The following ZNF506 variants were observed in gnomAD, a reference collection of about 807,000 sequenced individuals.
ZNF506 encodes the protein zinc finger protein 506.
In ZNF506, 10 loss-of-function variants were observed where a neutral mutation model predicts 11.6. That is an observed-to-expected ratio of 0.86 (90% CI 0.53 to 1.46). ZNF506 has a LOEUF of 1.46. Ranked by LOEUF, ZNF506 falls within the 40% of genes most tolerant of loss-of-function variation. The pLI is 0.00. For missense variants in ZNF506, 425 were observed against 521.2 expected (o/e 0.82, Z 1.80); for synonymous variants, 156 against 173.3 (o/e 0.90, Z 0.78).
intron 1 of ZNF506, among the ~76,000 whole-genome samples, chr19:19,813,092 A>G (rs1387133711): frequency 2.0e-5 from 3 of 152,150 alleles, no homozygotes; most frequent in Admixed American, 6.6e-5. Context: ...ATAACTAACT[A>G]AAGAGCTATG....
At position 19,795,235 on chromosome 19, in the gene ZNF506, T is replaced by C. The variant is rs752895549; in HGVS notation, c.652A>G (p.Thr218Ala). 6.2e-7 allele frequency: 1 copy of C among 1,613,988 alleles called. No homozygotes were observed. The highest frequency in any genetic ancestry group is 8.5e-7 in the Non-Finnish European group (1 of 1,179,942). ...KAYKQSSHLT[T>A]HKKIHTGEKP... ...TCTCCAGTATGAATTTTCTTATGTG[T>C]AGTAAGGTGTGAGGACTGCTTATAG... The change falls in exon 4 of 4, where the codon ACA becomes GCA. Residue 218 changes from threonine (T) to alanine (A), a missense_variant. This residue lies in a region of ZNF506 where 226 missense variants were observed against 279.1 expected (regional missense o/e 0.81). Coordinates refer to ENST00000540806, the MANE Select transcript of ZNF506 (RefSeq NM_001099269.3).
At chr19:19,800,408 ATATATT>A (rs2145179296) in intron 3 of ZNF506, among the ~76,000 whole-genome samples, 1 of 110,616 alleles carries the variant, frequency 9.0e-6, no homozygotes, top group African/African-American at 2.9e-5. Flanking sequence ...ATATATATAT[ATATATT>A]TATATATATT....
chr19:19,797,646 T>C (rs922550355), intron 3 of ZNF506: 8 of 151,958 alleles, frequency 5.3e-5, no homozygotes, highest in African/African-American at 1.9e-4. Flanking sequence ...GCTGAAAAGC[T>C]GAACAAACAA....
At chr19:19,821,512 G>A in intron 1 of ZNF506, 89 bp downstream of exon 1, 2 of 1,570,544 alleles carry the variant, frequency 1.3e-6, no homozygotes, top group Non-Finnish European at 1.8e-6. Flanking sequence ...GGAGGCCTGA[G>A]TTCTGCCACT....
intron 3 of ZNF506, among the ~76,000 whole-genome samples, chr19:19,804,614 C>CTATAAAG (rs1383588459): frequency 6.6e-6 from 1 of 152,190 alleles, no homozygotes; most frequent in Admixed American, 6.5e-5. Context: ...AGTCATGCTA[C>CTATAAAG]TATAAAGACA....
At chr19:19,803,073 A>C (rs2062808121) in intron 3 of ZNF506, among the ~76,000 whole-genome samples, 1 of 152,254 alleles carries the variant, frequency 6.6e-6, no homozygotes, top group African/African-American at 2.4e-5. Flanking sequence ...CTTAAGATTG[A>C]GAAGTGTTCT....
At chr19:19,810,597 A>C (rs1178662520) in intron 1 of ZNF506, among the ~76,000 whole-genome samples, 1 of 151,944 alleles carries the variant, frequency 6.6e-6, no homozygotes, top group Non-Finnish European at 1.5e-5. Flanking sequence ...ATATAGACAG[A>C]TGGAAGAGAT....
chr19:19,818,845 G>A (rs10419073), intron 1 of ZNF506, among the ~76,000 whole-genome samples: 8,198 of 152,128 alleles, frequency 0.054, 630 homozygotes, highest in African/African-American at 0.17. Context: ...AAAACTAGCC[G>A]GGCGCAGTGG....
intron 3 of ZNF506, among the ~76,000 whole-genome samples, chr19:19,804,996 T>C (rs1429104011): frequency 6.6e-6 from 1 of 152,030 alleles, no homozygotes; most frequent in Non-Finnish European, 1.5e-5. Flanking sequence ...GACGAGTTAA[T>C]GGGTGCAGCA....
At position 19,794,603 on chromosome 19, in the gene ZNF506, C is replaced by G; in HGVS notation, c.1284G>C (p.Lys428Asn). 1 of 1,607,136 alleles carries G rather than the reference C, an allele frequency of 6.2e-7. No homozygotes were observed. The highest frequency in any genetic ancestry group is 1.7e-5 in the Admixed American group (1 of 58,132). ...IHIRQKPCIV[K>N]NVENLLNVPQ... ...GAACATTTAAAAGATTTTCCACATT[C>G]TTCACTATGCAGGGTTTCTGTCTAA... The change falls in exon 4 of 4, where the codon AAG becomes AAC. Residue 428 changes from lysine (K) to asparagine (N), a missense_variant. Lys to Asn is a moderately conservative substitution (Grantham distance 94). Around this residue, in one of 3 missense-constraint regions of ZNF506, gnomAD observed 192 missense variants for 215.7 expected, o/e 0.89. Coordinates refer to ENST00000540806, the MANE Select transcript of ZNF506 (RefSeq NM_001099269.3).
chr19:19,821,684 C>T lies in ZNF506; in HGVS notation c.-81G>A, dbSNP rs897543285. 6.4e-7 allele frequency: 1 copy of T among 1,565,126 alleles called. No individual in the cohort carries two copies. Among genetic ancestry groups the T allele is most frequent in the Non-Finnish European group, 8.8e-7 (1 of 1,136,116 alleles). On this transcript the variant is annotated 5_prime_UTR_variant, in exon 1 of 4. Transcript: ENST00000540806. ...GGTCACAGGGCCACAGAGGCTGGGCCTCTAGGAGCTGACGGCACAGAGCAG... is the reference window on the plus strand; with the variant it reads ...GGTCACAGGGCCACAGAGGCTGGGCTTCTAGGAGCTGACGGCACAGAGCAG...
chr19:19,807,113 G>A (rs1277364907), intron 1 of ZNF506, 45 bp from the exon 2 acceptor site: 1 of 1,608,080 alleles, frequency 6.2e-7, no homozygotes, highest in Admixed American at 1.7e-5. Context: ...GGCCATGGGT[G>A]GAATTTTTAA....
At chr19:19,812,891 T>C (rs2062893838) in intron 1 of ZNF506, among the ~76,000 whole-genome samples, 1 of 152,200 alleles carries the variant, frequency 6.6e-6, no homozygotes, top group Admixed American at 6.5e-5. Flanking sequence ...ACATGAACAT[T>C]ATGGAGAAAG....
intron 3 of ZNF506, among the ~76,000 whole-genome samples, chr19:19,804,460 C>A (rs2062818793): frequency 6.6e-6 from 1 of 152,178 alleles, no homozygotes; most frequent in Non-Finnish European, 1.5e-5. Flanking sequence ...TGTGGAGAAA[C>A]AGGAACGCTT....
At chr19:19,800,482 T>C (rs1022885723) in intron 3 of ZNF506, among the ~76,000 whole-genome samples, 1 of 151,106 alleles carries the variant, frequency 6.6e-6, no homozygotes, top group Non-Finnish European at 1.5e-5. Flanking sequence ...AGTGGCAAGA[T>C]ATCGGCTCAC....
rs1408521965 is a variant in ZNF506 at position 19,793,105 on chromosome 19, T to C, written c.*1447A>G. Among the ~76,000 whole-genome samples, 1 of 152,010 alleles carries C rather than the reference T, an allele frequency of 6.6e-6. No homozygotes were observed. Among genetic ancestry groups the C allele is most frequent in the Admixed American group, 6.6e-5 (1 of 15,264 alleles). ...GAAATTTGAAAGTTGTATTACATCA[T>C]TATTCACTGTTCAAAAATTTTTTTC... On this transcript the variant is annotated 3_prime_UTR_variant, in exon 4 of 4. Coordinates refer to ENST00000540806, the MANE Select transcript of ZNF506 (RefSeq NM_001099269.3).
intron 1 of ZNF506, among the ~76,000 whole-genome samples, chr19:19,814,435 A>AATAATAATAATAATG (rs953530421): frequency 6.7e-6 from 1 of 150,190 alleles, no homozygotes; most frequent in Non-Finnish European, 1.5e-5. Context: ...TAATAATAAT[A>AATAATAATAATAATG]ATGCAGAAAC....
At chr19:19,803,610 C>T (rs1460298529) in intron 3 of ZNF506, among the ~76,000 whole-genome samples, 2 of 152,188 alleles carry the variant, frequency 1.3e-5, no homozygotes, top group Non-Finnish European at 2.9e-5. Flanking sequence ...TAAAGGTGAA[C>T]CCTAGTGCAG....
chr19:19,815,167 G>A (rs1438666832), intron 1 of ZNF506, among the ~76,000 whole-genome samples: 1 of 152,206 alleles, frequency 6.6e-6, no homozygotes, highest in Non-Finnish European at 1.5e-5. Context: ...GGCTGAGACA[G>A]GAGAATGGCG....
Sources: allele counts gnomAD v4.1 joint callset (sites outside exome capture counted in the v4.1 genomes callset), GRCh38; gene constraint gnomAD v4.1.1; regional missense constraint gnomAD v4.1.1; transcripts MANE v1.5; gene names NCBI Gene and HGNC (gene_info 2026-07-23, HGNC 2026-07-21).